Variants in MYO16 observed in about 807,000 individuals in gnomAD.
MYO16 encodes the protein unconventional myosin-XVI.
Under a neutral mutation model 205.3 loss-of-function variants are expected in MYO16, and 94 were observed. That is an observed-to-expected ratio of 0.46 (90% CI 0.39 to 0.54). MYO16 has a LOEUF of 0.54. MYO16 is among the 20% of genes least tolerant of loss of function. MYO16 has a pLI of 0.00. For synonymous variants in MYO16, 988 were observed against 954.0 expected (o/e 1.04, Z -0.66); for missense variants, 2,315 against 2,387.5 (o/e 0.97, Z 0.63).
intron 32 of MYO16, among the ~76,000 whole-genome samples, chr13:109,149,925 A>G (rs942034069): frequency 6.6e-6 from 1 of 152,204 alleles, no homozygotes; most frequent in Non-Finnish European, 1.5e-5. Context: ...AATTACTGAA[A>G]AGAAATTCAC....
At position 108,808,715 on chromosome 13, in the gene MYO16, G is replaced by GT. The variant is rs1216447832; in HGVS notation, c.867+1912dup. On this transcript the variant is annotated intron_variant, in intron 7 of 34. Coordinates refer to ENST00000457511, the MANE Select transcript of MYO16 (RefSeq NM_001198950.3). ...AGCCAGATAAAATTTGTGTTATGTG[G>GT]TAAAAAAAAATCTGTAATTAGTTTG... Among the ~76,000 whole-genome samples the GT allele has an allele frequency of 2.6e-5, 4 of 151,178 alleles. No homozygotes were observed. In the East Asian group the frequency reaches 7.7e-4, roughly 29 times the overall value.
chr13:108,902,762 A>G (rs1880771526), intron 15 of MYO16, among the ~76,000 whole-genome samples: 4 of 152,182 alleles, frequency 2.6e-5, no homozygotes, highest in African/African-American at 9.7e-5. Context: ...ACATTGGATT[A>G]GGACACACCC....
intron 14 of MYO16, among the ~76,000 whole-genome samples, chr13:108,890,635 C>A (rs1435527315): frequency 6.6e-6 from 1 of 152,142 alleles, no homozygotes; most frequent in Non-Finnish European, 1.5e-5. Context: ...CTAGTTCGGA[C>A]TCATTGATAA....
rs1265664077 is a variant in MYO16 at position 108,804,491 on chromosome 13, TA to T, written c.742-2185del. ...TAGTAGGAGTATAAATTCCATTTCA[TA>T]AATAGACATTTTTGTTGTTGTTGTT... On this transcript the variant is annotated intron_variant, in intron 6 of 34. Coordinates refer to ENST00000457511, the MANE Select transcript of MYO16 (RefSeq NM_001198950.3). 3.9e-5 allele frequency among the ~76,000 whole-genome samples: 6 copies of T among 152,308 alleles called. No homozygotes were observed. In the South Asian group the frequency reaches 1.2e-3, roughly 32 times the overall value.
upstream of MYO16, among the ~76,000 whole-genome samples, chr13:108,595,686 T>C (rs12858695): frequency 0.31 from 47,690 of 151,818 alleles, 7,954 homozygotes; most frequent in African/African-American, 0.42. Context: ...CCTCTGATCC[T>C]TCCAATAAAT....
At chr13:108,688,101 T>C (rs1290936195) in intron 2 of MYO16, among the ~76,000 whole-genome samples, 2 of 152,184 alleles carry the variant, frequency 1.3e-5, no homozygotes, top group Non-Finnish European at 2.9e-5. Flanking sequence ...TTGTTCAGTA[T>C]TGGAGCTGGG....
chr13:108,533,490 T>C, the MYO16 span, among the ~76,000 whole-genome samples: 1 of 152,214 alleles, frequency 6.6e-6, no homozygotes, highest in Admixed American at 6.5e-5. Flanking sequence ...TCAATCATGC[T>C]TTTTTAGTGA....
chr13:108,592,509 G>C (rs1221394255), upstream of MYO16, among the ~76,000 whole-genome samples: 1 of 134,480 alleles, frequency 7.4e-6, no homozygotes, highest in African/African-American at 2.8e-5. Flanking sequence ...TGTGGGGTGT[G>C]GGGGTTGTAT....
chr13:109,150,673 G>A (rs1009968847), intron 32 of MYO16, among the ~76,000 whole-genome samples: 2 of 152,152 alleles, frequency 1.3e-5, no homozygotes, highest in African/African-American at 4.8e-5. Context: ...CACCGTCAGT[G>A]GGGAAAGGAT....
intron 22 of MYO16, among the ~76,000 whole-genome samples, chr13:109,010,390 A>C (rs1885551697): frequency 6.6e-6 from 1 of 152,178 alleles, no homozygotes; most frequent in Non-Finnish European, 1.5e-5. Flanking sequence ...ATAACACACA[A>C]GATTTTGTTT....
chr13:108,606,623 G>T (rs907549584), intron 1 of MYO16, among the ~76,000 whole-genome samples: 1 of 152,224 alleles, frequency 6.6e-6, no homozygotes, highest in Admixed American at 6.5e-5. Context: ...GAAGTCTGCT[G>T]CAGGGGTGGA....
intron 33 of MYO16, among the ~76,000 whole-genome samples, chr13:109,176,713 C>CA (rs1020424870): frequency 2.6e-5 from 4 of 151,308 alleles, no homozygotes; most frequent in Non-Finnish European, 4.4e-5. Flanking sequence ...CTACAACCTT[C>CA]AAAAAATCCC....
At chr13:108,606,404 A>T (rs993107051) in intron 1 of MYO16, among the ~76,000 whole-genome samples, 5 of 152,214 alleles carry the variant, frequency 3.3e-5, no homozygotes, top group Non-Finnish European at 5.9e-5. Flanking sequence ...GTCTCAGGAC[A>T]TGGCACTAGG....
chr13:109,100,139 T>A (rs1888915430), intron 27 of MYO16, among the ~76,000 whole-genome samples: 1 of 152,180 alleles, frequency 6.6e-6, no homozygotes, highest in Non-Finnish European at 1.5e-5. Flanking sequence ...TTACATAGAT[T>A]TTTTTTAAAT....
chr13:109,155,322 C>T (rs1035862224), intron 32 of MYO16, among the ~76,000 whole-genome samples: 1 of 152,078 alleles, frequency 6.6e-6, no homozygotes, highest in African/African-American at 2.4e-5. Flanking sequence ...CTGCGGCACT[C>T]GCTACCAGAG....
chr13:109,095,495 A>G (rs139385927), intron 27 of MYO16, among the ~76,000 whole-genome samples: 1,643 of 152,350 alleles, frequency 0.011, 19 homozygotes, highest in African/African-American at 0.037. Flanking sequence ...GATGTTTTAC[A>G]TAACACTAAC....
intron 9 of MYO16, among the ~76,000 whole-genome samples, chr13:108,843,816 CAA>C (rs1369561936): frequency 2.0e-5 from 3 of 151,968 alleles, no homozygotes; most frequent in Non-Finnish European, 2.9e-5. Flanking sequence ...ATAGAATTAA[CAA>C]AAGTTACTCT....
chr13:108,733,685 G>A (rs369616131), intron 4 of MYO16, among the ~76,000 whole-genome samples: 6 of 152,156 alleles, frequency 3.9e-5, no homozygotes, highest in East Asian at 1.9e-4. Flanking sequence ...GTAGAGGGCC[G>A]GGCGTGGTGG....
At chr13:109,131,516 C>A (rs968069019) in intron 31 of MYO16, among the ~76,000 whole-genome samples, 1 of 152,124 alleles carries the variant, frequency 6.6e-6, no homozygotes, top group African/African-American at 2.4e-5. Flanking sequence ...TACCAGCAAG[C>A]TAGAGACAAC....
Sources: gnomAD v4.1 joint callset for allele counts (sites outside exome capture counted in the v4.1 genomes callset) on GRCh38, gnomAD v4.1.1 for gene constraint, MANE v1.5 for transcripts, NCBI Gene and HGNC (gene_info 2026-07-23, HGNC 2026-07-21) for gene names.